TMEM132D: variants seen among roughly 807,000 people sequenced by gnomAD.
The protein encoded by TMEM132D is transmembrane protein 132D.
Under a neutral mutation model 62.3 loss-of-function variants are expected in TMEM132D, and 21 were observed. The ratio of observed to expected loss-of-function variants is 0.34; its 90% CI spans 0.24 to 0.49. The LOEUF (loss-of-function observed/expected upper bound fraction) is 0.49. TMEM132D is among the 20% of genes least tolerant of loss of function. TMEM132D has a pLI of 0.99. For synonymous variants in TMEM132D, 621 were observed against 575.6 expected (o/e 1.08, Z -1.13); for missense variants, 1,346 against 1,402.8 (o/e 0.96, Z 0.65).
chr12:129,715,183 T>C (rs1868527323), intron 1 of TMEM132D, among the ~76,000 whole-genome samples: 1 of 152,154 alleles, frequency 6.6e-6, no homozygotes, highest in African/African-American at 2.4e-5. Flanking sequence ...GCAATCAATA[T>C]GCCATAGTTC....
chr12:129,489,871 G>C (rs925581546), intron 3 of TMEM132D, among the ~76,000 whole-genome samples: 1 of 151,992 alleles, frequency 6.6e-6, no homozygotes, highest in African/African-American at 2.4e-5. Context: ...CCAGACAACT[G>C]GTTGACCTAC....
intron 1 of TMEM132D, among the ~76,000 whole-genome samples, chr12:129,882,912 C>T (rs1416127428): frequency 6.6e-6 from 1 of 152,166 alleles, no homozygotes; most frequent in Non-Finnish European, 1.5e-5. Flanking sequence ...AAACCTACAA[C>T]TAACATCATA....
intron 2 of TMEM132D, among the ~76,000 whole-genome samples, chr12:129,584,284 T>A (rs888260283): frequency 3.9e-5 from 6 of 152,228 alleles, no homozygotes; most frequent in African/African-American, 1.4e-4. Flanking sequence ...ATATAAGTGA[T>A]AGATTTCTCT....
Position 129,343,554 on chromosome 12 carries a change from A to G in TMEM132D, c.1116-5737T>C, listed in dbSNP as rs149693532. On this transcript the variant is annotated intron_variant, in intron 3 of 8. Transcript: ENST00000422113. Reference sequence around the variant, plus strand: ...ACAAACCTGCACGTTGTGCACATGTACCCTAAAACTTAAAGTATAATAATA... The same window carrying G: ...ACAAACCTGCACGTTGTGCACATGTGCCCTAAAACTTAAAGTATAATAATA... 5.8e-3 allele frequency among the ~76,000 whole-genome samples: 881 copies of G among 152,262 alleles called. 12 individuals are homozygous for G. The highest frequency in any genetic ancestry group is 0.02 in the African/African-American group (824 of 41,542).
At chr12:129,404,475 G>A (rs184022194) in intron 3 of TMEM132D, among the ~76,000 whole-genome samples, 8 of 152,222 alleles carry the variant, frequency 5.3e-5, no homozygotes, top group Non-Finnish European at 1.2e-4. Flanking sequence ...GGGATTACAG[G>A]CGTGAGCCAC....
At chr12:129,245,056 T>C (rs1270804529) in intron 4 of TMEM132D, among the ~76,000 whole-genome samples, 1 of 152,210 alleles carries the variant, frequency 6.6e-6, no homozygotes, top group African/African-American at 2.4e-5. Context: ...AAATCAATCC[T>C]GATATATTAC....
chr12:129,147,297 T>G (rs894974703), intron 5 of TMEM132D, among the ~76,000 whole-genome samples: 1 of 150,236 alleles, frequency 6.7e-6, no homozygotes, highest in African/African-American at 2.4e-5. Flanking sequence ...TGCATATGTA[T>G]ATATATACAT....
At chr12:129,755,898 G>A (rs1033805651) in intron 1 of TMEM132D, among the ~76,000 whole-genome samples, 2 of 152,094 alleles carry the variant, frequency 1.3e-5, no homozygotes, top group Non-Finnish European at 2.9e-5. Context: ...TCCAACACAC[G>A]TGGGGAAAAT....
intron 1 of TMEM132D, among the ~76,000 whole-genome samples, chr12:129,878,424 C>T (rs1050340263): frequency 5.9e-5 from 9 of 152,144 alleles, no homozygotes; most frequent in African/African-American, 1.9e-4. Context: ...TCACTGACTC[C>T]TGCAAGTTAC....
intron 3 of TMEM132D, among the ~76,000 whole-genome samples, chr12:129,451,845 T>C (rs960131779): frequency 1.3e-5 from 2 of 152,166 alleles, no homozygotes; most frequent in Non-Finnish European, 2.9e-5. Context: ...TGCACTTGAT[T>C]GGCAAGAACT....
chr12:129,231,713 TC>T (rs1366290061), intron 4 of TMEM132D, among the ~76,000 whole-genome samples: 1 of 152,126 alleles, frequency 6.6e-6, no homozygotes, highest in Non-Finnish European at 1.5e-5. Flanking sequence ...GTGGGTTCAA[TC>T]CCCACCGGGC....
At chr12:129,290,517 C>T (rs1179530019) in intron 4 of TMEM132D, among the ~76,000 whole-genome samples, 1 of 151,964 alleles carries the variant, frequency 6.6e-6, no homozygotes, top group Non-Finnish European at 1.5e-5. Context: ...AAGTAAGTTG[C>T]AAAACAACAG....
intron 1 of TMEM132D, among the ~76,000 whole-genome samples, chr12:129,749,864 A>G (rs1869943578): frequency 6.6e-6 from 1 of 152,172 alleles, no homozygotes; most frequent in Non-Finnish European, 1.5e-5. Context: ...TTGTCCATGT[A>G]CCATTCTGTC....
At chr12:129,724,583 C>T (rs548955043) in intron 1 of TMEM132D, among the ~76,000 whole-genome samples, 124 of 152,282 alleles carry the variant, frequency 8.1e-4, no homozygotes, top group Non-Finnish European at 1.4e-3. Flanking sequence ...AGTACAGTGG[C>T]GTGATCTCGG....
At chr12:129,108,545 T>G (rs900468955) in intron 5 of TMEM132D, among the ~76,000 whole-genome samples, 1 of 152,058 alleles carries the variant, frequency 6.6e-6, no homozygotes, top group African/African-American at 2.4e-5. Context: ...CTCAGGTGAA[T>G]CCTCCCCAAA....
intron 4 of TMEM132D, among the ~76,000 whole-genome samples, chr12:129,319,580 A>C (rs190837046): frequency 6.6e-6 from 1 of 152,226 alleles, no homozygotes; most frequent in East Asian, 1.9e-4. Flanking sequence ...ATTTAAAGCC[A>C]CAAGGAAGGA....
intron 4 of TMEM132D, among the ~76,000 whole-genome samples, chr12:129,241,837 G>C (rs1879946219): frequency 1.3e-5 from 2 of 152,132 alleles, no homozygotes; most frequent in Admixed American, 6.5e-5. Context: ...AGAATGCTTG[G>C]AGAGGAGATT....
intron 3 of TMEM132D, among the ~76,000 whole-genome samples, chr12:129,513,085 A>G (rs1223147948): frequency 1.3e-5 from 2 of 152,234 alleles, no homozygotes; most frequent in Non-Finnish European, 2.9e-5. Flanking sequence ...TGGGTAACTT[A>G]TAGAGAAAAG....
intron 2 of TMEM132D, among the ~76,000 whole-genome samples, chr12:129,690,218 C>T (rs1422440677): frequency 6.6e-6 from 1 of 151,956 alleles, no homozygotes; most frequent in Non-Finnish European, 1.5e-5. Flanking sequence ...TAAGTAGAAT[C>T]AGTACACCAA....
Sources: gnomAD v4.1 joint callset for allele counts (sites outside exome capture counted in the v4.1 genomes callset) on GRCh38, gnomAD v4.1.1 for gene constraint, MANE v1.5 for transcripts, NCBI Gene and HGNC (gene_info 2026-07-23, HGNC 2026-07-21) for gene names.